The following BRIP1 variants were observed in gnomAD, a reference collection of about 807,000 sequenced individuals.
The protein encoded by BRIP1 is BRCA1 interacting DNA helicase 1, also known as Fanconi anemia group J protein.
A neutral mutation model predicts 119.7 loss-of-function variants in BRIP1; 88 were observed. That is an observed-to-expected ratio of 0.74 (90% CI 0.62 to 0.88). The LOEUF (loss-of-function observed/expected upper bound fraction) is 0.88. Among genes scored for constraint, BRIP1 ranks in the 40% least tolerant of loss-of-function variants. The probability of loss-of-function intolerance (pLI) is 0.00; values close to 1 mark genes in which losing one functional copy is unlikely to be tolerated. For missense variants in BRIP1, 1,259 were observed against 1,455.4 expected, an observed-to-expected ratio of 0.87 and a Z score of 2.20; for synonymous variants, 443 against 496.5, an observed-to-expected ratio of 0.89 and a Z score of 1.43.
rs996493095 is a variant in BRIP1 at position 61,799,253 on chromosome 17, T to C, written c.1187A>G (p.His396Arg). The C allele has an allele frequency of 5.6e-6, 9 of 1,613,418 alleles. No individual in the cohort carries two copies. Among genetic ancestry groups the C allele is most frequent in the South Asian group, 1.1e-5 (1 of 91,052 alleles). Residue 396 changes from histidine (H) to arginine (R), a missense_variant, in exon 9 of 20, where the codon CAT (histidine) becomes CGT (arginine). Physicochemically the swap from His to Arg is conservative, Grantham distance 29. Coordinates refer to ENST00000259008, the MANE Select transcript of BRIP1 (RefSeq NM_032043.3). This position sits in a 1 kb window ranked among gnomAD's most constrained non-coding sequence, Gnocchi z 5.1. The part of the protein sequence containing the change: ...KEQVVILDEA[H>R]NIEDCARESA... ...TTCCCGAGCACAGTCCTCGATGTTA[T>C]GAGCTTCATCTAAAATGACAACCTG...
At chr17:61,777,385 A>G (rs1166038727) in intron 13 of BRIP1, among the ~76,000 whole-genome samples, 1 of 152,174 alleles carries the variant, frequency 6.6e-6, no homozygotes, top group African/African-American at 2.4e-5. Context: ...ACAGACATCA[A>G]CTGGGTGTCC....
chr17:61,757,319 G>T lies in BRIP1; in HGVS notation c.2098-12728C>A, dbSNP rs1383290892. The stretch of plus-strand genomic sequence containing the variant: ...TGACTCAGCACTTTCACCTCAAGAG[G>T]CTGGGTTATATTTCAGAATCAAACT... On this transcript the variant is annotated intron_variant, in intron 14 of 19. Coordinates refer to ENST00000259008, the MANE Select transcript of BRIP1 (RefSeq NM_032043.3). The surrounding 1 kb of genome is among the most constrained non-coding windows in gnomAD (Gnocchi z 4.3). Among the ~76,000 whole-genome samples the T allele has an allele frequency of 6.6e-6, 1 of 152,136 alleles. No homozygotes were observed. The highest frequency in any genetic ancestry group is 1.5e-5 in the Non-Finnish European group (1 of 68,034).
In BRIP1 at chr17:61,691,086, G is replaced by C. The variant is rs2061440379; in HGVS notation, c.2575+2344C>G. Among the ~76,000 whole-genome samples the C allele has an allele frequency of 6.6e-6, 1 of 151,298 alleles. No homozygotes were observed. The highest frequency in any genetic ancestry group is 1.5e-5 in the Non-Finnish European group (1 of 67,854). On this transcript the variant is annotated intron_variant, in intron 18 of 19. Coordinates refer to ENST00000259008, the MANE Select transcript of BRIP1 (RefSeq NM_032043.3). This position sits in a 1 kb window ranked among gnomAD's most constrained non-coding sequence, Gnocchi z 5.0. Reference sequence around the variant, plus strand: ...ACATCACACACCGGGGCCTGTTGTGGGGTGGGGGGAGAGGGGGGAGGGATA... The same window carrying C: ...ACATCACACACCGGGGCCTGTTGTGCGGTGGGGGGAGAGGGGGGAGGGATA...
At position 61,742,979 on chromosome 17, in the gene BRIP1, T is replaced by C. The variant is rs755519374; in HGVS notation, c.2379+34A>G. 9.3e-6 allele frequency: 15 copies of C among 1,611,240 alleles called. No individual in the cohort carries two copies. The highest frequency in any genetic ancestry group is 1.2e-5 in the Non-Finnish European group (14 of 1,177,708). ...AACTTTATACAAAACCAATGACTCC[T>C]GTAATAATAAAACTTAAGGTTTTGA... On this transcript the variant is annotated intron_variant, in intron 16 of 19. Coordinates refer to ENST00000259008, the MANE Select transcript of BRIP1 (RefSeq NM_032043.3). The surrounding 1 kb of genome is among the most constrained non-coding windows in gnomAD (Gnocchi z 4.7).
rs2077875814 is a variant in BRIP1 at position 61,794,852 on chromosome 17, C to G, written c.1341-1123G>C. Among the ~76,000 whole-genome samples the G allele has an allele frequency of 1.0e-5, 1 of 100,236 alleles. No individual in the cohort carries two copies. Among genetic ancestry groups the G allele is most frequent in the Admixed American group, 9.2e-5 (1 of 10,870 alleles). 65.8% of individuals were successfully genotyped at this position (100,236 alleles called of 152,430 possible). A position where few individuals can be genotyped will look rare whatever the true frequency, so the allele number is the denominator to read the frequency against. The stretch of plus-strand genomic sequence containing the variant: ...TCTAATAACTGAATGCAAAAAGTAT[C>G]CAGTCATGGGAGAATCAGAAGAAAA... On this transcript the variant is annotated intron_variant, in intron 9 of 19. Coordinates refer to ENST00000259008, the MANE Select transcript of BRIP1 (RefSeq NM_032043.3). The surrounding 1 kb of genome is among the most constrained non-coding windows in gnomAD (Gnocchi z 4.3).
At position 61,772,179 on chromosome 17, in the gene BRIP1, AT is replaced by A. The variant is rs1226689919; in HGVS notation, c.2097+4221del. Among the ~76,000 whole-genome samples the A allele has an allele frequency of 1.6e-4, 12 of 73,600 alleles. No individual in the cohort carries two copies. In the Admixed American group the frequency reaches 2.4e-3, roughly 14 times the overall value. 48.3% of individuals were successfully genotyped at this position (73,600 alleles called of 152,430 possible). On this transcript the variant is annotated intron_variant, in intron 14 of 19. Coordinates refer to ENST00000259008, the MANE Select transcript of BRIP1 (RefSeq NM_032043.3). ...AGATTATATATATATATATATATAT[AT>A]ATATATATATATATATATATATATA...
Position 61,738,907 on chromosome 17 carries a change from C to CTGA in BRIP1, c.2379+4105_2379+4106insTCA, listed in dbSNP as rs2076952951. ...CCTCATATGTAATCAGAATTATAAT[C>CTGA]TTGATGATCCTTTCAGGCCTTGTTA... On this transcript the variant is annotated intron_variant, in intron 16 of 19. Coordinates refer to ENST00000259008, the MANE Select transcript of BRIP1 (RefSeq NM_032043.3). The surrounding 1 kb of genome is among the most constrained non-coding windows in gnomAD (Gnocchi z 4.2). The CTGA allele has an allele frequency of 6.6e-6, 1 of 152,378 alleles. No individual in the cohort carries two copies. The highest frequency in any genetic ancestry group is 1.5e-5 in the Non-Finnish European group (1 of 68,238). The allele number at this position is 152,378 out of a possible 1,614,324, so 9.4% of individuals were successfully genotyped here.
chr17:61,730,960 A>G lies in BRIP1; in HGVS notation c.2379+12053T>C, dbSNP rs956510257. The stretch of plus-strand genomic sequence containing the variant: ...TTCATTAACTCATTTTTTGCTGGCC[A>G]AGGTAAATATACAATTTATTAACCT... On this transcript the variant is annotated intron_variant, in intron 16 of 19. Coordinates refer to ENST00000259008, the MANE Select transcript of BRIP1 (RefSeq NM_032043.3). The surrounding 1 kb of genome is among the most constrained non-coding windows in gnomAD (Gnocchi z 4.3). Among the ~76,000 whole-genome samples, 1 of 152,036 alleles carries G rather than the reference A, an allele frequency of 6.6e-6. No individual in the cohort carries two copies. The highest frequency in any genetic ancestry group is 1.5e-5 in the Non-Finnish European group (1 of 68,000).
rs58620078 is a variant in BRIP1 at position 61,853,233 on chromosome 17, AT to A, written c.379+3824del. Among the ~76,000 whole-genome samples the A allele has an allele frequency of 3.2e-3, 466 of 147,706 alleles. 3 individuals are homozygous for A. Among genetic ancestry groups the A allele is most frequent in the African/African-American group, 8.8e-3 (354 of 40,352 alleles). Reference sequence around the variant, plus strand: ...GACACAAGATTACATATATAATTCCATTTTTTTTTTTTGAGATGGAGTTTCA... The same window carrying A: ...GACACAAGATTACATATATAATTCCATTTTTTTTTTTGAGATGGAGTTTCA... On this transcript the variant is annotated intron_variant, in intron 4 of 19. Transcript: ENST00000259008. The surrounding 1 kb of genome is among the most constrained non-coding windows in gnomAD (Gnocchi z 4.3).
At position 61,722,042 on chromosome 17, in the gene BRIP1, T is replaced by C. The variant is rs1262238262; in HGVS notation, c.2380-5979A>G. On this transcript the variant is annotated intron_variant, in intron 16 of 19. Coordinates refer to ENST00000259008, the MANE Select transcript of BRIP1 (RefSeq NM_032043.3). The surrounding 1 kb of genome is among the most constrained non-coding windows in gnomAD (Gnocchi z 4.6). ...CCACGCCTAGCCAACTTTGCTTTTT[T>C]TTTTTTTCTTTTTTTTTGAGACGGA... Among the ~76,000 whole-genome samples the C allele has an allele frequency of 9.9e-5, 15 of 151,332 alleles. No individual in the cohort carries two copies. The highest frequency in any genetic ancestry group is 2.6e-4 in the Admixed American group (4 of 15,172).
chr17:61,688,580 C>T (rs781693132), intron 18 of BRIP1, among the ~76,000 whole-genome samples: 1 of 152,052 alleles, frequency 6.6e-6, no homozygotes, highest in Non-Finnish European at 1.5e-5. Context: ...CCCAGAATGC[C>T]TACCAGGGCT....
At chr17:61,838,415 G>A (rs577191886) in intron 6 of BRIP1, among the ~76,000 whole-genome samples, 22 of 151,882 alleles carry the variant, frequency 1.4e-4, no homozygotes, top group African/African-American at 4.1e-4. Flanking sequence ...GTGTGGTGAC[G>A]GGCGCCTGTA....
rs2077039288 is a variant in BRIP1, at chr17:61,744,867, T to A, written c.2098-276A>T. On this transcript the variant is annotated intron_variant, in intron 14 of 19. Transcript: ENST00000259008. This position sits in a 1 kb window ranked among gnomAD's most constrained non-coding sequence, Gnocchi z 5.0. ...TTTCTACCACTACTACTGCTACTAC[T>A]ACTATTACTACTACTACTTCTACTA... Among the ~76,000 whole-genome samples the A allele has an allele frequency of 6.6e-6, 1 of 151,646 alleles. No homozygotes were observed. Among genetic ancestry groups the A allele is most frequent in the Non-Finnish European group, 1.5e-5 (1 of 67,954 alleles).
rs1389847994 is a variant in BRIP1, at chr17:61,681,570, A to G, written c.*1726T>C. On this transcript the variant is annotated 3_prime_UTR_variant, in exon 20 of 20. Transcript: ENST00000259008. The surrounding 1 kb of genome is among the most constrained non-coding windows in gnomAD (Gnocchi z 5.1). ...CTATCCCTATCTGTGGTTTAAGAAT[A>G]ATACCAGAGGAGATAAATTGTTTCA... 4.9e-6 allele frequency: 1 copy of G among 204,126 alleles called. No individual in the cohort carries two copies. The allele number at this position is 204,126 out of a possible 1,614,324, so 12.6% of individuals were successfully genotyped here.
chr17:61,696,972 A>G (rs1285041561), intron 17 of BRIP1, among the ~76,000 whole-genome samples: 2 of 128,866 alleles, frequency 1.6e-5, no homozygotes, highest in African/African-American at 5.7e-5. Context: ...GGCAACAGAT[A>G]GAGACTCTGT....
At chr17:61,786,694 A>G (rs1415606483) in intron 10 of BRIP1, among the ~76,000 whole-genome samples, 1 of 143,412 alleles carries the variant, frequency 7.0e-6, no homozygotes, top group East Asian at 2.0e-4. Flanking sequence ...TTATTGAGCT[A>G]TAATTCACAT....
rs1034363315 is a variant in BRIP1 at position 61,740,330 on chromosome 17, G to T, written c.2379+2683C>A. 1.3e-5 allele frequency among the ~76,000 whole-genome samples: 2 copies of T among 152,022 alleles called. No individual in the cohort carries two copies. Among genetic ancestry groups the T allele is most frequent in the Non-Finnish European group, 2.9e-5 (2 of 68,014 alleles). On this transcript the variant is annotated intron_variant, in intron 16 of 19. Coordinates refer to ENST00000259008, the MANE Select transcript of BRIP1 (RefSeq NM_032043.3). This position sits in a 1 kb window ranked among gnomAD's most constrained non-coding sequence, Gnocchi z 5.4. Reference sequence around the variant, plus strand: ...AAGACTGATAAAACACAAATTGCTGGGCTTCACTTCCACAGTTTCTGATTT... The same window carrying T: ...AAGACTGATAAAACACAAATTGCTGTGCTTCACTTCCACAGTTTCTGATTT...
chr17:61,836,098 T>A (rs1449697184), intron 6 of BRIP1, among the ~76,000 whole-genome samples: 1 of 140,350 alleles, frequency 7.1e-6, no homozygotes, highest in Admixed American at 7.9e-5. Context: ...TTTCAAAAAA[T>A]GTTATTACTC....
rs943183481 is a variant in BRIP1, at chr17:61,845,907, T to G, written c.627+1194A>C. On this transcript the variant is annotated intron_variant, in intron 6 of 19. Coordinates refer to ENST00000259008, the MANE Select transcript of BRIP1 (RefSeq NM_032043.3). The surrounding 1 kb of genome is among the most constrained non-coding windows in gnomAD (Gnocchi z 4.2). Reference sequence around the variant, plus strand: ...GTTTTTTTTCAAAACTGTGATCTAATGATGCTGGAAAACTATTATTAACAT... The same window carrying G: ...GTTTTTTTTCAAAACTGTGATCTAAGGATGCTGGAAAACTATTATTAACAT... 1.3e-5 allele frequency among the ~76,000 whole-genome samples: 2 copies of G among 152,188 alleles called. No homozygotes were observed. Among genetic ancestry groups the G allele is most frequent in the South Asian group, 4.1e-4 (2 of 4,830 alleles).
Sources: allele counts gnomAD v4.1 joint callset (sites outside exome capture counted in the v4.1 genomes callset), GRCh38; gene constraint gnomAD v4.1.1; non-coding constraint Gnocchi (gnomAD v3.1); transcripts MANE v1.5; gene names NCBI Gene and HGNC (gene_info 2026-07-23, HGNC 2026-07-21).